The following MCTP2 variants were observed in gnomAD, a reference collection of about 807,000 sequenced individuals.
MCTP2 encodes the protein multiple C2 and transmembrane domain containing 2, also known as multiple C2 and transmembrane domain-containing protein 2.
Under a neutral mutation model 111.6 loss-of-function variants are expected in MCTP2, and 132 were observed. The ratio of observed to expected loss-of-function variants is 1.18; its 90% CI spans 1.03 to 1.37. The LOEUF is 1.37. Among genes scored for constraint, MCTP2 ranks in the 40% most tolerant of loss-of-function variants. The probability of loss-of-function intolerance (pLI) is 0.00; values close to 1 mark genes in which losing one functional copy is unlikely to be tolerated. For missense variants in MCTP2, 1,183 were observed against 1,067.9 expected (o/e 1.11, Z -1.50); for synonymous variants, 395 against 387.7 (o/e 1.02, Z -0.22).
intron 4 of MCTP2, among the ~76,000 whole-genome samples, chr15:94,325,213 G>C (rs1375022145): frequency 6.6e-6 from 1 of 152,192 alleles, no homozygotes; most frequent in Admixed American, 6.5e-5. Flanking sequence ...GAGCCTGCTA[G>C]GCTTGCGGTA....
intron 17 of MCTP2, chr15:94,402,258 C>A: frequency 3.1e-6 from 3 of 972,738 alleles, no homozygotes; most frequent in Non-Finnish European, 3.7e-6. Flanking sequence ...GTTGTTGTTA[C>A]AGCTACATTT....
chr15:94,358,670 A>C, intron 10 of MCTP2, 58 bp downstream of exon 10: 1 of 1,592,002 alleles, frequency 6.3e-7, no homozygotes, highest in Non-Finnish European at 8.6e-7. Flanking sequence ...GCTGGTTCTG[A>C]GAGGTGATCT....
intron 1 of MCTP2, among the ~76,000 whole-genome samples, chr15:94,250,923 T>C (rs540415041): frequency 6.6e-6 from 1 of 152,330 alleles, no homozygotes; most frequent in Admixed American, 6.5e-5. Flanking sequence ...CATAGTCAAG[T>C]TTAAGAAAAT....
intron 2 of MCTP2, among the ~76,000 whole-genome samples, chr15:94,310,007 T>A (rs529048988): frequency 6.6e-6 from 1 of 152,366 alleles, no homozygotes; most frequent in African/African-American, 2.4e-5. Context: ...TTATTAGCTT[T>A]GACAATATTT....
chr15:94,432,482 C>G (rs35713109), intron 17 of MCTP2, among the ~76,000 whole-genome samples: 4 of 152,080 alleles, frequency 2.6e-5, no homozygotes, highest in Admixed American at 1.3e-4. Flanking sequence ...AAGTTCTATT[C>G]TAAATAATGG....
intron 19 of MCTP2, among the ~76,000 whole-genome samples, chr15:94,451,254 C>G (rs567883927): frequency 6.6e-6 from 1 of 152,104 alleles, no homozygotes; most frequent in South Asian, 2.1e-4. Context: ...GTTTACTTTT[C>G]TCACAGTGAA....
intron 17 of MCTP2, among the ~76,000 whole-genome samples, chr15:94,432,220 T>C (rs1013335625): frequency 6.6e-6 from 1 of 152,164 alleles, no homozygotes; most frequent in South Asian, 2.1e-4. Flanking sequence ...TGGGCCTATC[T>C]ATTCTTTTTC....
intron 2 of MCTP2, among the ~76,000 whole-genome samples, chr15:94,301,904 C>T (rs574595561): frequency 8.0e-5 from 12 of 149,716 alleles, no homozygotes; most frequent in African/African-American, 3.0e-4. Flanking sequence ...GGAATTGGTT[C>T]CTCTGTGTTT....
intron 1 of MCTP2, among the ~76,000 whole-genome samples, chr15:94,245,369 CATACATATGTATATGTATTTAT>C (rs1268940658): frequency 0.01 from 1,393 of 135,830 alleles, 21 homozygotes; most frequent in African/African-American, 0.035. Flanking sequence ...TATATATTTA[CATACATATGTATATGTATTTAT>C]ATACATGTGT....
At chr15:94,422,115 T>C (rs1273455525) in intron 17 of MCTP2, among the ~76,000 whole-genome samples, 1 of 152,170 alleles carries the variant, frequency 6.6e-6, no homozygotes, top group African/African-American at 2.4e-5. Context: ...TGAAAGATCT[T>C]TGATACTTGG....
chr15:94,349,818 T>TA (rs373349483), intron 8 of MCTP2, among the ~76,000 whole-genome samples: 86 of 132,754 alleles, frequency 6.5e-4, no homozygotes, highest in Admixed American at 1.0e-3. Flanking sequence ...GGACTCTGTC[T>TA]GAAAAAAAAA....
intron 17 of MCTP2, among the ~76,000 whole-genome samples, chr15:94,415,085 T>C (rs1023043425): frequency 1.3e-5 from 2 of 152,012 alleles, no homozygotes; most frequent in Non-Finnish European, 2.9e-5. Context: ...AGAGATCAAA[T>C]ACACTGGCTA....
At chr15:94,267,805 C>G (rs1414746598) in intron 1 of MCTP2, among the ~76,000 whole-genome samples, 2 of 148,634 alleles carry the variant, frequency 1.3e-5, no homozygotes, top group Non-Finnish European at 3.0e-5. Flanking sequence ...TTTAGCCATT[C>G]TAGGAGGCAG....
intron 17 of MCTP2, among the ~76,000 whole-genome samples, chr15:94,414,802 T>C (rs533953262): frequency 6.6e-6 from 1 of 152,196 alleles, no homozygotes; most frequent in Non-Finnish European, 1.5e-5. Flanking sequence ...TCACGCCCCA[T>C]GATCATCTAA....
intron 17 of MCTP2, among the ~76,000 whole-genome samples, chr15:94,429,242 T>G (rs187196412): frequency 3.9e-5 from 6 of 152,306 alleles, no homozygotes; most frequent in African/African-American, 1.4e-4. Context: ...CCCTTATCAC[T>G]GATTCAAAGG....
At chr15:94,419,958 C>T (rs2082550060) in intron 17 of MCTP2, among the ~76,000 whole-genome samples, 1 of 152,102 alleles carries the variant, frequency 6.6e-6, no homozygotes, top group African/African-American at 2.4e-5. Context: ...TCCATAGCTA[C>T]AGAAAATGCT....
rs987117442 is a variant in MCTP2 at position 94,483,760 on chromosome 15, A to G, written c.*4726A>G. 3 of 152,180 alleles carry G rather than the reference A, an allele frequency of 2.0e-5. No homozygotes were observed. Among genetic ancestry groups the G allele is most frequent in the Admixed American group, 2.0e-4 (3 of 15,268 alleles). The allele number at this position is 152,180 out of a possible 1,614,324, so 9.4% of individuals were successfully genotyped here. A position where few individuals can be genotyped will look rare whatever the true frequency, so the allele number is the denominator to read the frequency against. ...AGGAAAAATAATGAGTACCAGGCTT[A>G]ATACATGGGCGATGAAATAATCTGT... On this transcript the variant is annotated 3_prime_UTR_variant, in exon 23 of 23. Transcript: ENST00000357742.
intron 1 of MCTP2, among the ~76,000 whole-genome samples, chr15:94,241,019 T>C (rs930206370): frequency 2.6e-5 from 4 of 152,186 alleles, no homozygotes; most frequent in African/African-American, 9.7e-5. Flanking sequence ...CTTTTCAAGA[T>C]CCAGAGTATA....
In MCTP2 at chr15:94,288,797, G is replaced by A. The variant is rs1015491813; in HGVS notation, c.-65-9404G>A. Among the ~76,000 whole-genome samples, 6 of 152,152 alleles carry A rather than the reference G, an allele frequency of 3.9e-5. No individual in the cohort carries two copies. The East Asian group carries it at 7.7e-4, about 19-fold the overall frequency. ...GAAATAAAAGATAGAAACTATAAGC[G>A]AGGAAAGATGTGAAGTGGCACCAAT... On this transcript the variant is annotated intron_variant, in intron 1 of 22. Transcript: ENST00000357742.
Sources: allele counts gnomAD v4.1 joint callset (sites outside exome capture counted in the v4.1 genomes callset), GRCh38; gene constraint gnomAD v4.1.1; transcripts MANE v1.5; gene names NCBI Gene and HGNC (gene_info 2026-07-23, HGNC 2026-07-21).